The following POMP variants were observed in gnomAD, a reference collection of about 807,000 sequenced individuals.
The protein encoded by POMP is proteasome maturation protein.
POMP carries 12 observed loss-of-function variants against 20.6 expected under a neutral mutation model. That is an observed-to-expected ratio of 0.58 (90% confidence interval 0.37 to 0.94). The LOEUF (loss-of-function observed/expected upper bound fraction) is 0.94. POMP is among the 40% of genes least tolerant of loss of function. POMP has a pLI of 0.01. For missense variants in POMP, 136 were observed against 161.1 expected, an observed-to-expected ratio of 0.84 and a Z score of 0.84; for synonymous variants, 53 against 55.0, an observed-to-expected ratio of 0.96 and a Z score of 0.16.
At chr13:28,677,983 T>C in intron 5 of POMP, 52 bp from the exon 6 acceptor site, 1 of 1,530,280 alleles carries the variant, frequency 6.5e-7, no homozygotes, top group Non-Finnish European at 9.0e-7. Context: ...AATCATTGAA[T>C]GTATCTCTTT....
At chr13:28,669,990 G>A (rs745516056) in intron 4 of POMP, among the ~76,000 whole-genome samples, 1 of 152,090 alleles carries the variant, frequency 6.6e-6, no homozygotes, top group Non-Finnish European at 1.5e-5. Context: ...CACACCTATA[G>A]TCCCAGCTAC....
At chr13:28,673,302 C>T (rs1030177562) in intron 5 of POMP, among the ~76,000 whole-genome samples, 3 of 152,142 alleles carry the variant, frequency 2.0e-5, no homozygotes, top group African/African-American at 7.2e-5. Flanking sequence ...AACTCCTGAC[C>T]TTGTGATCTG....
At chr13:28,666,809 G>C (rs1297769788) in intron 3 of POMP, among the ~76,000 whole-genome samples, 1 of 152,194 alleles carries the variant, frequency 6.6e-6, no homozygotes. Context: ...TTGTACCAGT[G>C]GTTCTCAACT....
At chr13:28,660,119 C>G (rs943663297) in intron 1 of POMP, among the ~76,000 whole-genome samples, 1 of 152,136 alleles carries the variant, frequency 6.6e-6, no homozygotes, top group African/African-American at 2.4e-5. Context: ...TTTCTTTGTG[C>G]GTTGAAACCT....
chr13:28,659,344 GT>G (rs1481457741), intron 1 of POMP, among the ~76,000 whole-genome samples, 157 bp downstream of exon 1: 1 of 152,198 alleles, frequency 6.6e-6, no homozygotes, highest in Non-Finnish European at 1.5e-5. Context: ...GAGTCACGGG[GT>G]TTGGGTGGGT....
At chr13:28,665,511 A>T (rs1036719778) in intron 3 of POMP, among the ~76,000 whole-genome samples, 10 of 152,234 alleles carry the variant, frequency 6.6e-5, no homozygotes, top group African/African-American at 2.2e-4. Context: ...TGTGAGTATG[A>T]TTATAAAAGC....
chr13:28,665,559 A>C (rs935209762), intron 3 of POMP, among the ~76,000 whole-genome samples: 2 of 152,204 alleles, frequency 1.3e-5, no homozygotes, highest in Non-Finnish European at 2.9e-5. Context: ...GGAGAAATGA[A>C]AATTGGTTAT....
intron 5 of POMP, among the ~76,000 whole-genome samples, chr13:28,676,698 T>TA (rs1884634368): frequency 6.6e-6 from 1 of 152,172 alleles, no homozygotes; most frequent in African/African-American, 2.4e-5. Flanking sequence ...GTGAAGTACT[T>TA]AGGCAAGTTA....
chr13:28,669,362 C>T (rs1348309270), intron 4 of POMP, among the ~76,000 whole-genome samples: 3 of 151,940 alleles, frequency 2.0e-5, no homozygotes, highest in Admixed American at 2.0e-4. Flanking sequence ...TTTCCCTTGG[C>T]TTTTATGTTT....
intron 4 of POMP, among the ~76,000 whole-genome samples, chr13:28,671,008 T>C (rs945042979): frequency 6.6e-6 from 1 of 151,976 alleles, no homozygotes; most frequent in African/African-American, 2.4e-5. Context: ...AATCACACCA[T>C]TGCACTCCAG....
intron 4 of POMP, among the ~76,000 whole-genome samples, chr13:28,668,965 T>A (rs762295403): frequency 1.3e-5 from 2 of 152,150 alleles, no homozygotes; most frequent in Admixed American, 1.3e-4. Flanking sequence ...AGAACCACCC[T>A]CCTACCTGTG....
chr13:28,663,700 T>TA (rs1377655073), intron 2 of POMP, among the ~76,000 whole-genome samples: 4 of 152,166 alleles, frequency 2.6e-5, no homozygotes, highest in South Asian at 2.1e-4. Context: ...AGTTTTGTAG[T>TA]AAAAAAATGC....
chr13:28,665,029 A>C (rs896194839), intron 3 of POMP, among the ~76,000 whole-genome samples: 1 of 152,180 alleles, frequency 6.6e-6, no homozygotes, highest in Admixed American at 6.5e-5. Context: ...TGAGGAAGAC[A>C]AGCAGTGGGT....
chr13:28,662,505 A>G lies in POMP; in HGVS notation c.99A>G (p.Lys33=), dbSNP rs780848282. 5 of 1,604,908 alleles carry G rather than the reference A, an allele frequency of 3.1e-6. No homozygotes were observed. Among genetic ancestry groups the G allele is most frequent in the Non-Finnish European group, 4.3e-6 (5 of 1,171,764 alleles). ...GPFESHDLLR[K]GFSCVKNELL... Reference sequence around the variant, plus strand: ...TTGAAAGTCATGATCTTCTTCGGAAAGGGTATATGGGGGAGTTATGACTTT... The same window carrying G: ...TTGAAAGTCATGATCTTCTTCGGAAGGGGTATATGGGGGAGTTATGACTTT... Residue 33 remains lysine, a splice_region_variant and synonymous_variant, in exon 2 of 6, where the codon AAA becomes AAG. Coordinates refer to ENST00000380842, the MANE Select transcript of POMP (RefSeq NM_015932.6).
chr13:28,663,051 A>G (rs983575890), intron 2 of POMP, among the ~76,000 whole-genome samples: 1 of 152,182 alleles, frequency 6.6e-6, no homozygotes, highest in Non-Finnish European at 1.5e-5. Flanking sequence ...TTTAAATGGT[A>G]CCTGACATTA....
intron 2 of POMP, among the ~76,000 whole-genome samples, chr13:28,662,965 C>T (rs974362616): frequency 6.6e-6 from 1 of 152,028 alleles, no homozygotes; most frequent in Non-Finnish European, 1.5e-5. Flanking sequence ...GTCTCAGTGT[C>T]CTTATGGATA....
At chr13:28,661,179 T>A (rs953826682) in intron 1 of POMP, among the ~76,000 whole-genome samples, 20 of 152,268 alleles carry the variant, frequency 1.3e-4, no homozygotes, top group African/African-American at 4.8e-4. Flanking sequence ...GTTAGCGTCT[T>A]GGGCCGTGCA....
At chr13:28,669,042 A>C (rs573664482) in intron 4 of POMP, among the ~76,000 whole-genome samples, 2 of 152,214 alleles carry the variant, frequency 1.3e-5, no homozygotes, top group East Asian at 1.9e-4. Context: ...TCTCAAGCTG[A>C]TATCTTTAAC....
intron 1 of POMP, among the ~76,000 whole-genome samples, 198 bp downstream of exon 1, chr13:28,659,385 C>T (rs776659765): frequency 1.3e-5 from 2 of 152,204 alleles, no homozygotes; most frequent in African/African-American, 2.4e-5. Flanking sequence ...CGGCACTAGT[C>T]CCACTAGCAG....
Sources: gnomAD v4.1 joint callset for allele counts (sites outside exome capture counted in the v4.1 genomes callset) on GRCh38, gnomAD v4.1.1 for gene constraint, MANE v1.5 for transcripts, NCBI Gene and HGNC (gene_info 2026-07-23, HGNC 2026-07-21) for gene names.